The following PADI4 variants were observed in gnomAD, a reference collection of about 807,000 sequenced individuals.
PADI4 encodes the protein protein-arginine deiminase type-4.
PADI4 carries 62 observed loss-of-function variants against 75.0 expected under a neutral mutation model. The ratio of observed to expected loss-of-function variants is 0.83; its 90% CI spans 0.67 to 1.02. The LOEUF (loss-of-function observed/expected upper bound fraction) is 1.02, where lower values mean the gene tolerates loss of function less well. Among genes scored for constraint, PADI4 ranks in the 50% least tolerant of loss-of-function variants. The pLI is 0.00. For synonymous variants in PADI4, 361 were observed against 348.1 expected, an observed-to-expected ratio of 1.04 and a Z score of -0.41; for missense variants, 845 against 850.5, an observed-to-expected ratio of 0.99 and a Z score of 0.08.
chr1:17,317,270 C>T (rs1272145962), intron 1 of PADI4, among the ~76,000 whole-genome samples: 3 of 150,976 alleles, frequency 2.0e-5, no homozygotes, highest in Admixed American at 6.6e-5. Flanking sequence ...TAACAATGCA[C>T]GCCACAGACA....
chr1:17,334,223 C>T (rs866897927), intron 3 of PADI4: 82 of 558,504 alleles, frequency 1.5e-4, no homozygotes, highest in Admixed American at 2.5e-4. Context: ...AGTGGTGGTG[C>T]GGGGAATTTT....
intron 1 of PADI4, among the ~76,000 whole-genome samples, chr1:17,320,387 C>T (rs539176176): frequency 1.7e-4 from 26 of 152,322 alleles, no homozygotes; most frequent in African/African-American, 3.8e-4. Flanking sequence ...TTATTAAGAA[C>T]GCAAAGGAAT....
At chr1:17,351,838 G>C (rs1193944575) in intron 10 of PADI4, among the ~76,000 whole-genome samples, 1 of 152,134 alleles carries the variant, frequency 6.6e-6, no homozygotes, top group Non-Finnish European at 1.5e-5. Flanking sequence ...TGGAGGGGTA[G>C]AGCAGAGCAA....
rs1242729026 is a variant in PADI4, at chr1:17,346,135, T to A, written c.1043T>A (p.Met348Lys). 6.9e-6 allele frequency: 11 copies of A among 1,602,308 alleles called. No homozygotes were observed. In the East Asian group the frequency reaches 2.5e-4, roughly 36 times the overall value. ...PEEENMDDQWMQDEMEIGYIQ... is the reference protein window; with the variant it reads ...PEEENMDDQWKQDEMEIGYIQ... ...GAGGAGAACATGGATGACCAGTGGA[T>A]GCAGGTATGTGCCCTGCGGGGCAGG... is the stretch of plus-strand genomic sequence containing the variant. The change falls in exon 9 of 16, where the codon ATG (methionine) becomes AAG (lysine). Residue 348 changes from methionine (M) to lysine (K), a missense_variant. Transcript: ENST00000375448. This position sits in a 1 kb window ranked among gnomAD's most constrained non-coding sequence, Gnocchi z 4.3.
At chr1:17,308,336 GT>G (rs1557531386) in intron 1 of PADI4, 22 bp downstream of exon 1, 2 of 1,591,918 alleles carry the variant, frequency 1.3e-6, no homozygotes, top group Admixed American at 1.7e-5. Context: ...GCCTTCTGGG[GT>G]TTTGGAGGCA....
At chr1:17,308,335 G>A (rs762791647) in intron 1 of PADI4, 21 bp downstream of exon 1, 2 of 1,591,604 alleles carry the variant, frequency 1.3e-6, no homozygotes, top group South Asian at 1.1e-5. Context: ...GGCCTTCTGG[G>A]GTTTTGGAGG....
intron 1 of PADI4, among the ~76,000 whole-genome samples, chr1:17,316,732 A>AAAT (rs1557539772): frequency 4.7e-5 from 7 of 148,312 alleles, no homozygotes; most frequent in African/African-American, 1.8e-4. Flanking sequence ...TTAATTAATT[A>AAAT]AAATAAATAA....
At position 17,338,030 on chromosome 1, in the gene PADI4, G is replaced by C. The variant is rs1235269705; in HGVS notation, c.409-8G>C. The C allele has an allele frequency of 6.4e-7, 1 of 1,558,372 alleles. No individual in the cohort carries two copies. Among genetic ancestry groups the C allele is most frequent in the Admixed American group, 1.7e-5 (1 of 59,940 alleles). The stretch of plus-strand genomic sequence containing the variant: ...TTCTGAGCATGACTCTTCCCTGCTG[G>C]TGTCCAGAGGACCTGGACCTGGGGC... On this transcript the variant is annotated splice_polypyrimidine_tract_variant and splice_region_variant and intron_variant, in intron 4 of 15. Transcript: ENST00000375448.
rs565992636 is a variant in PADI4 at position 17,356,570 on chromosome 1, G to A, written c.1558+111G>A. ...ATAGGGTAGCATCTGAGCACCTACT[G>A]TGCGCCAGGCACTGTGCCAAGTGCT... On this transcript the variant is annotated intron_variant, in intron 13 of 15. Coordinates refer to ENST00000375448, the MANE Select transcript of PADI4 (RefSeq NM_012387.3). The surrounding 1 kb of genome is among the most constrained non-coding windows in gnomAD (Gnocchi z 4.1). 3.6e-5 allele frequency: 24 copies of A among 670,274 alleles called. 1 individual carries two copies. In the South Asian group the frequency reaches 4.2e-4, roughly 12 times the overall value. 41.5% of individuals were successfully genotyped at this position (670,274 alleles called of 1,614,324 possible). A position where few individuals can be genotyped will look rare whatever the true frequency, so the allele number is the denominator to read the frequency against.
At chr1:17,316,711 T>TAAATA (rs66586960) in intron 1 of PADI4, among the ~76,000 whole-genome samples, 14,178 of 137,516 alleles carry the variant, frequency 0.1, 896 homozygotes, top group African/African-American at 0.17. Flanking sequence ...ATAAATAAAT[T>TAAATA]AATTAATTAA....
rs1418774671 is a variant in PADI4, at chr1:17,311,540, A to T, written c.92+3226A>T. Among the ~76,000 whole-genome samples the T allele has an allele frequency of 1.0e-3, 114 of 112,890 alleles. 2 individuals carry two copies. Among genetic ancestry groups the T allele is most frequent in the South Asian group, 2.6e-3 (9 of 3,478 alleles). The allele number at this position is 112,890 out of a possible 152,430, so 74.1% of individuals were successfully genotyped here. On this transcript the variant is annotated intron_variant, in intron 1 of 15. Coordinates refer to ENST00000375448, the MANE Select transcript of PADI4 (RefSeq NM_012387.3). ...TCTCCTTCTTCTTTTTTTTTTTTTT[A>T]AAAACGGAGTCTCGCTCTGTCCAGC...
At chr1:17,331,172 G>T in intron 2 of PADI4, 23 bp downstream of exon 2, 1 of 1,600,008 alleles carries the variant, frequency 6.2e-7, no homozygotes, top group South Asian at 1.1e-5. Context: ...GCTGTGGGGT[G>T]GCAGTGTGGA....
intron 10 of PADI4, among the ~76,000 whole-genome samples, chr1:17,351,239 G>A (rs1331031711): frequency 1.3e-5 from 2 of 149,016 alleles, no homozygotes; most frequent in African/African-American, 2.5e-5. Context: ...GGGAAAGACA[G>A]AGTAGAGCGG....
At chr1:17,337,921 T>C (rs2074345112) in intron 4 of PADI4, 117 bp from the exon 5 acceptor site, 3 of 434,852 alleles carry the variant, frequency 6.9e-6, no homozygotes, top group Non-Finnish European at 1.2e-5. Flanking sequence ...CTCAAAAAAA[T>C]AATAAATAAA....
chr1:17,352,282 G>A (rs1467636934), intron 10 of PADI4, among the ~76,000 whole-genome samples: 2 of 151,832 alleles, frequency 1.3e-5, no homozygotes, highest in African/African-American at 2.4e-5. Flanking sequence ...GGAGATGGGG[G>A]GCAGTAGAAG....
chr1:17,328,338 G>A (rs1427208567), intron 1 of PADI4, among the ~76,000 whole-genome samples: 1 of 151,438 alleles, frequency 6.6e-6, no homozygotes, highest in Admixed American at 6.6e-5. Flanking sequence ...ACCTTTAAAA[G>A]TATAGGCCAG....
chr1:17,357,252 CT>C (rs1366592240), intron 13 of PADI4, among the ~76,000 whole-genome samples: 1 of 152,200 alleles, frequency 6.6e-6, no homozygotes, highest in East Asian at 1.9e-4. Flanking sequence ...TCTGCAGCCT[CT>C]GCATCCCGGG....
At chr1:17,317,288 G>A (rs965953528) in intron 1 of PADI4, among the ~76,000 whole-genome samples, 33 of 151,748 alleles carry the variant, frequency 2.2e-4, no homozygotes, top group African/African-American at 7.7e-4. Context: ...ACATAATGCC[G>A]ACGGAGTCTC....
rs371595737 is a variant in PADI4, at chr1:17,346,179, G to C, written c.1047+40G>C. The stretch of plus-strand genomic sequence containing the variant: ...GGGCAGGCAGGGTGACTGTCCCTGA[G>C]GGCCAAGAGACACTTGGGGGACCCG... On this transcript the variant is annotated intron_variant, in intron 9 of 15. Coordinates refer to ENST00000375448, the MANE Select transcript of PADI4 (RefSeq NM_012387.3). The surrounding 1 kb of genome is among the most constrained non-coding windows in gnomAD (Gnocchi z 4.3). 2.5e-5 allele frequency: 34 copies of C among 1,374,632 alleles called. No individual in the cohort carries two copies. Among genetic ancestry groups the C allele is most frequent in the Non-Finnish European group, 3.5e-5 (34 of 965,536 alleles). 85.2% of individuals were successfully genotyped at this position (1,374,632 alleles called of 1,614,324 possible).
Sources: allele counts gnomAD v4.1 joint callset (sites outside exome capture counted in the v4.1 genomes callset), GRCh38; gene constraint gnomAD v4.1.1; non-coding constraint Gnocchi (gnomAD v3.1); transcripts MANE v1.5; gene names NCBI Gene and HGNC (gene_info 2026-07-23, HGNC 2026-07-21).